MGAT5: variants seen among roughly 807,000 people sequenced by gnomAD.
The protein encoded by MGAT5 is alpha-1,6-mannosylglycoprotein 6-beta-N-acetylglucosaminyltransferase A.
MGAT5 carries 30 observed loss-of-function variants against 94.3 expected under a neutral mutation model. The observed-to-expected ratio is 0.32, with a 90% CI of 0.24 to 0.43. MGAT5 has a LOEUF of 0.43. Among genes scored for constraint, MGAT5 ranks in the 20% least tolerant of loss-of-function variants. The pLI is 1.00. For missense variants in MGAT5, 691 were observed against 905.5 expected, an observed-to-expected ratio of 0.76 and a Z score of 3.04; for synonymous variants, 310 against 322.9, an observed-to-expected ratio of 0.96 and a Z score of 0.43.
At chr2:134,305,957 T>C (rs545392348) in intron 2 of MGAT5, among the ~76,000 whole-genome samples, 225 of 152,322 alleles carry the variant, frequency 1.5e-3, no homozygotes, top group Non-Finnish European at 2.3e-3. Context: ...TTTTCTTAAA[T>C]CAAAATTGAC....
rs35697003 is a variant in MGAT5 at position 134,237,689 on chromosome 2, GTTTTTTTTT to G, written c.-142-16567_-142-16559del. The stretch of plus-strand genomic sequence containing the variant: ...AGGTTGGAGTGCAGTTTTTGTTTTT[GTTTTTTTTT>G]TTTTTGAGATGGAGTCTTGCTCTGT... On this transcript the variant is annotated intron_variant, in intron 1 of 16. Coordinates refer to the MGAT5 transcript ENST00000409645. Among the ~76,000 whole-genome samples the G allele has an allele frequency of 3.5e-3, 25 of 7,056 alleles. 1 individual carries two copies. The highest frequency in any genetic ancestry group is 7.8e-3 in the African/African-American group (19 of 2,426). The allele number at this position is 7,056 out of a possible 152,430, so 4.6% of individuals were successfully genotyped here. A position where few individuals can be genotyped will look rare whatever the true frequency, so the allele number is the denominator to read the frequency against.
chr2:134,421,984 A>G (rs964554824), intron 12 of MGAT5, among the ~76,000 whole-genome samples: 1 of 151,560 alleles, frequency 6.6e-6, no homozygotes, highest in African/African-American at 2.4e-5. Context: ...CCTGGGCAAC[A>G]TACAGAGACC....
chr2:134,257,962 A>G (rs1446216809), intron 1 of MGAT5, among the ~76,000 whole-genome samples: 1 of 151,778 alleles, frequency 6.6e-6, no homozygotes, highest in Admixed American at 6.6e-5. Flanking sequence ...TGAATCCAGC[A>G]AAAAGAAGAA....
intron 1 of MGAT5, among the ~76,000 whole-genome samples, chr2:134,208,481 T>A (rs1263637060): frequency 6.6e-6 from 1 of 152,204 alleles, no homozygotes; most frequent in Non-Finnish European, 1.5e-5. Context: ...TTGGTTAGTT[T>A]CAGCAGATAA....
At chr2:134,388,432 A>G (rs1163544361) in intron 10 of MGAT5, among the ~76,000 whole-genome samples, 1 of 150,460 alleles carries the variant, frequency 6.6e-6, no homozygotes, top group Admixed American at 6.6e-5. Context: ...AGATATGAAG[A>G]TCTTTAAAAA....
At chr2:134,348,537 A>T (rs1689057144) in intron 8 of MGAT5, among the ~76,000 whole-genome samples, 1 of 152,248 alleles carries the variant, frequency 6.6e-6, no homozygotes, top group South Asian at 2.1e-4. Flanking sequence ...TCATGTTTGG[A>T]TTTTTTCCCC....
intron 1 of MGAT5, among the ~76,000 whole-genome samples, chr2:134,129,408 G>A (rs1686011265): frequency 6.6e-6 from 1 of 152,212 alleles, no homozygotes; most frequent in African/African-American, 2.4e-5. Flanking sequence ...CCATCTCCCT[G>A]TAAGGCAACA....
intron 14 of MGAT5, among the ~76,000 whole-genome samples, chr2:134,441,445 T>C (rs1337110211): frequency 6.6e-6 from 1 of 152,240 alleles, no homozygotes; most frequent in African/African-American, 2.4e-5. Flanking sequence ...TGATTGAGAA[T>C]AGCCACCCTT....
intron 14 of MGAT5, among the ~76,000 whole-genome samples, chr2:134,439,276 A>G (rs999284348): frequency 6.6e-6 from 1 of 152,220 alleles, no homozygotes; most frequent in Non-Finnish European, 1.5e-5. Context: ...TCAGACTGTT[A>G]GGTATTTTGC....
chr2:134,240,352 A>C (rs936033383), intron 1 of MGAT5, among the ~76,000 whole-genome samples: 4 of 67,556 alleles, frequency 5.9e-5, no homozygotes, highest in Admixed American at 1.5e-4. Flanking sequence ...TTCTAAAATG[A>C]AAGTGTTTTT....
intron 10 of MGAT5, among the ~76,000 whole-genome samples, chr2:134,380,921 G>A (rs1681498228): frequency 1.3e-5 from 2 of 152,108 alleles, no homozygotes; most frequent in Admixed American, 1.3e-4. Flanking sequence ...GGAAAAAGAA[G>A]GTAATACACC....
intron 9 of MGAT5, among the ~76,000 whole-genome samples, chr2:134,357,991 G>T (rs16830467): frequency 6.6e-6 from 1 of 151,416 alleles, no homozygotes; most frequent in African/African-American, 2.4e-5. Flanking sequence ...TTTTTCTACC[G>T]TCGGTTTTAT....
In MGAT5 at chr2:134,140,681, A is replaced by T. The variant is rs147015182; in HGVS notation, c.-143+20390A>T. Among the ~76,000 whole-genome samples the T allele has an allele frequency of 4.0e-3, 610 of 152,342 alleles. 4 individuals are homozygous for T. Among genetic ancestry groups the T allele is most frequent in the African/African-American group, 0.014 (575 of 41,566 alleles). On this transcript the variant is annotated intron_variant, in intron 1 of 16. Transcript: ENST00000409645. ...GCAGTCCCATTGCTCCAATAATCGG[A>T]GAATAGCTAACTTGTACCAGGCAGT... is the stretch of plus-strand genomic sequence containing the variant.
intron 1 of MGAT5, among the ~76,000 whole-genome samples, chr2:134,236,242 A>G (rs767710858): frequency 1.3e-5 from 2 of 152,114 alleles, no homozygotes; most frequent in Non-Finnish European, 2.9e-5. Flanking sequence ...GGTTCCAGGA[A>G]CTTCTTTTTC....
intron 1 of MGAT5, among the ~76,000 whole-genome samples, chr2:134,207,448 T>C (rs1229511870): frequency 6.6e-6 from 1 of 152,210 alleles, no homozygotes; most frequent in Non-Finnish European, 1.5e-5. Context: ...TAACTTGTCA[T>C]TCAGCGGTTA....
intron 10 of MGAT5, among the ~76,000 whole-genome samples, chr2:134,382,848 C>G (rs1257072330): frequency 6.6e-6 from 1 of 152,226 alleles, no homozygotes; most frequent in Non-Finnish European, 1.5e-5. Context: ...GTGTGCACAT[C>G]AAATGTTGAG....
Position 134,254,198 on chromosome 2 carries a change from GC to G in MGAT5, c.-205del. ...TTAGAGGTATTCAAGTGAAAACATGGCTTCTGGTTTATTTTGCTGTATTGTG... is the reference window on the plus strand; with the variant it reads ...TTAGAGGTATTCAAGTGAAAACATGGTTCTGGTTTATTTTGCTGTATTGTG... On this transcript the variant is annotated 5_prime_UTR_variant, in exon 1 of 16. The change abolishes the stop of an existing upstream ORF in the 5' untranslated region. Coordinates refer to ENST00000281923, the MANE Select transcript of MGAT5 (RefSeq NM_002410.5). 1 of 604,344 alleles carries G rather than the reference GC, an allele frequency of 1.7e-6. No homozygotes were observed. Among genetic ancestry groups the G allele is most frequent in the Non-Finnish European group, 2.9e-6 (1 of 343,786 alleles). The allele number at this position is 604,344 out of a possible 1,614,324, so 37.4% of individuals were successfully genotyped here.
At chr2:134,333,456 G>T in intron 4 of MGAT5, among the ~76,000 whole-genome samples, 1 of 102,288 alleles carries the variant, frequency 9.8e-6, no homozygotes, top group Non-Finnish European at 1.9e-5. Flanking sequence ...AGGGGGGAGG[G>T]ATAGCATTAG....
At position 134,454,323 on chromosome 2, in the gene MGAT5, C is replaced by G. The variant is rs1304294943; in HGVS notation, c.*5476C>G. On this transcript the variant is annotated 3_prime_UTR_variant, in exon 16 of 16. Transcript: ENST00000281923. Reference sequence around the variant, plus strand: ...GGAAGCATTTTGCTCATTGTCCTACCCAAGTATTAATAGCATAATAGTTGA... The same window carrying G: ...GGAAGCATTTTGCTCATTGTCCTACGCAAGTATTAATAGCATAATAGTTGA... 1 of 152,176 alleles carries G rather than the reference C, an allele frequency of 6.6e-6. No homozygotes were observed. The highest frequency in any genetic ancestry group is 2.4e-5 in the African/African-American group (1 of 41,438). The allele number at this position is 152,176 out of a possible 1,614,324, so 9.4% of individuals were successfully genotyped here. A position where few individuals can be genotyped will look rare whatever the true frequency, so the allele number is the denominator to read the frequency against.
Sources: gnomAD v4.1 joint callset for allele counts (sites outside exome capture counted in the v4.1 genomes callset) on GRCh38, gnomAD v4.1.1 for gene constraint, MANE v1.5 for transcripts, NCBI Gene and HGNC (gene_info 2026-07-23, HGNC 2026-07-21) for gene names.